Variants in PTN observed in about 807,000 individuals in gnomAD.
PTN encodes heparin affin regulatory protein.
PTN carries 18 observed loss-of-function variants against 24.1 expected under a neutral mutation model. That is an observed-to-expected ratio of 0.75 (90% confidence interval 0.52 to 1.11). PTN has a LOEUF of 1.11. Ranked by LOEUF, PTN falls within the 50% of genes least tolerant of loss-of-function variation. The pLI is 0.00. For missense variants in PTN, 163 were observed against 198.8 expected, an observed-to-expected ratio of 0.82 and a Z score of 1.08; for synonymous variants, 78 against 68.6, an observed-to-expected ratio of 1.14 and a Z score of -0.67.
chr7:137,291,876 C>T (rs539324810), intron 1 of PTN, among the ~76,000 whole-genome samples: 112 of 152,034 alleles, frequency 7.4e-4, no homozygotes, highest in Non-Finnish European at 2.5e-4. Context: ...TGAATGACTG[C>T]GGGTTCTTTT....
At chr7:137,292,020 A>G (rs1375766782) in intron 1 of PTN, among the ~76,000 whole-genome samples, 1 of 152,158 alleles carries the variant, frequency 6.6e-6, no homozygotes, top group African/African-American at 2.4e-5. Flanking sequence ...CTGCAGAATA[A>G]AACTAGGATT....
At chr7:137,288,966 AG>A (rs1429735939) in intron 1 of PTN, among the ~76,000 whole-genome samples, 1 of 152,096 alleles carries the variant, frequency 6.6e-6, no homozygotes, top group Non-Finnish European at 1.5e-5. Flanking sequence ...AATAATGTTA[AG>A]ATTACTATTT....
intron 4 of PTN, among the ~76,000 whole-genome samples, chr7:137,243,871 C>A (rs1808676007): frequency 6.6e-6 from 1 of 152,110 alleles, no homozygotes; most frequent in South Asian, 2.1e-4. Flanking sequence ...AGATCAGTGA[C>A]ATGTGGTGTG....
intron 1 of PTN, among the ~76,000 whole-genome samples, chr7:137,317,913 G>T (rs1159514599): frequency 6.6e-6 from 1 of 152,038 alleles, no homozygotes; most frequent in Non-Finnish European, 1.5e-5. Flanking sequence ...TGGGTGGCCA[G>T]GTAGGCAACA....
At chr7:137,277,900 TGAGATGATAGATAGATA>T (rs199843251) in intron 1 of PTN, among the ~76,000 whole-genome samples, 12,558 of 149,680 alleles carry the variant, frequency 0.084, 662 homozygotes, top group African/African-American at 0.14. Context: ...GATAGATAGA[TGAGATGATAGATAGATA>T]GATAGATAGA....
Position 137,228,084 on chromosome 7 carries a change from AC to A in PTN, c.452-10del, listed in dbSNP as rs1212639478. 4.0e-6 allele frequency: 6 copies of A among 1,499,598 alleles called. No individual in the cohort carries two copies. Among genetic ancestry groups the A allele is most frequent in the Non-Finnish European group, 5.5e-6 (6 of 1,081,542 alleles). The allele number at this position is 1,499,598 out of a possible 1,614,324, so 92.9% of individuals were successfully genotyped here. ...CTTCTTCTTAGATTCTGCTGTGATT[AC>A]AAAAAAGAGAGACAGAAAGAGAGAA... On this transcript the variant is annotated splice_polypyrimidine_tract_variant and intron_variant, in intron 4 of 4. Coordinates refer to ENST00000348225, the MANE Select transcript of PTN (RefSeq NM_002825.7).
At chr7:137,254,109 C>T (rs1161055469) in intron 2 of PTN, among the ~76,000 whole-genome samples, 3 of 152,036 alleles carry the variant, frequency 2.0e-5, no homozygotes, top group Non-Finnish European at 4.4e-5. Context: ...ACCATCCTGG[C>T]TAACATGGTG....
intron 4 of PTN, among the ~76,000 whole-genome samples, chr7:137,247,101 TGAAG>T (rs1482915822): frequency 6.6e-6 from 1 of 152,176 alleles, no homozygotes; most frequent in Non-Finnish European, 1.5e-5. Context: ...TACTCTTTCC[TGAAG>T]GAAGAAAATA....
intron 1 of PTN, among the ~76,000 whole-genome samples, chr7:137,316,190 T>C (rs562298079): frequency 6.6e-6 from 1 of 152,290 alleles, no homozygotes; most frequent in Admixed American, 6.5e-5. Context: ...AGATTCTCTC[T>C]TCAGGTCTGA....
intron 1 of PTN, among the ~76,000 whole-genome samples, chr7:137,327,721 A>G (rs1302323930): frequency 6.6e-6 from 1 of 152,092 alleles, no homozygotes; most frequent in Non-Finnish European, 1.5e-5. Context: ...AAAAAAAACC[A>G]CTAAACCACT....
At chr7:137,288,372 G>A (rs1014966933) in intron 1 of PTN, among the ~76,000 whole-genome samples, 5 of 152,080 alleles carry the variant, frequency 3.3e-5, no homozygotes, top group African/African-American at 9.7e-5. Flanking sequence ...GCTCTGCCTC[G>A]TTTTCATCTC....
At chr7:137,327,035 G>T (rs10250267) in intron 1 of PTN, 1 of 151,806 alleles carries the variant, frequency 6.6e-6, no homozygotes, top group East Asian at 1.9e-4. Flanking sequence ...TTTAACTAGG[G>T]GAATAAAGGT....
chr7:137,287,240 C>T (rs1809570717), intron 1 of PTN, among the ~76,000 whole-genome samples: 1 of 152,144 alleles, frequency 6.6e-6, no homozygotes, highest in Non-Finnish European at 1.5e-5. Context: ...TGGCATTTCA[C>T]ATGCACAATT....
chr7:137,312,614 T>C (rs1810001788), intron 1 of PTN, among the ~76,000 whole-genome samples: 1 of 152,192 alleles, frequency 6.6e-6, no homozygotes, highest in Non-Finnish European at 1.5e-5. Flanking sequence ...CCCTCTCTCA[T>C]ATTTATTGAA....
intron 4 of PTN, among the ~76,000 whole-genome samples, chr7:137,246,336 C>T (rs1456994388): frequency 6.6e-6 from 1 of 151,886 alleles, no homozygotes; most frequent in Non-Finnish European, 1.5e-5. Context: ...CTATACCTTA[C>T]AGCCTAGGGG....
intron 4 of PTN, among the ~76,000 whole-genome samples, chr7:137,250,303 T>C (rs545436133): frequency 1.2e-4 from 19 of 152,292 alleles, no homozygotes; most frequent in African/African-American, 4.6e-4. Context: ...GTAGGGCTGA[T>C]TTCTTCTGAA....
At chr7:137,277,245 A>G (rs945118322) in intron 1 of PTN, among the ~76,000 whole-genome samples, 1 of 152,196 alleles carries the variant, frequency 6.6e-6, no homozygotes, top group African/African-American at 2.4e-5. Flanking sequence ...CACTCAACTA[A>G]CCAAAATTCA....
chr7:137,259,252 A>G (rs1808989992), intron 1 of PTN, among the ~76,000 whole-genome samples: 1 of 152,136 alleles, frequency 6.6e-6, no homozygotes, highest in South Asian at 2.1e-4. Context: ...TTAGTATTTT[A>G]AGGAGATCTA....
intron 1 of PTN, among the ~76,000 whole-genome samples, chr7:137,291,038 A>G (rs1329867587): frequency 6.6e-6 from 1 of 152,188 alleles, no homozygotes; most frequent in African/African-American, 2.4e-5. Flanking sequence ...ATTGTCAATA[A>G]CCAATATGGG....
Sources: gnomAD v4.1 joint callset for allele counts (sites outside exome capture counted in the v4.1 genomes callset) on GRCh38, gnomAD v4.1.1 for gene constraint, MANE v1.5 for transcripts, NCBI Gene and HGNC (gene_info 2026-07-23, HGNC 2026-07-21) for gene names.